SARDH: variants seen among roughly 807,000 people sequenced by gnomAD.
The protein encoded by SARDH is sarcosine dehydrogenase.
A neutral mutation model predicts 109.1 loss-of-function variants in SARDH; 95 were observed. That is an observed-to-expected ratio of 0.87 (90% CI 0.74 to 1.03). The LOEUF is 1.03. Ranked by LOEUF, SARDH falls within the 50% of genes least tolerant of loss-of-function variation. The probability of loss-of-function intolerance (pLI) is 0.00; values close to 1 mark genes in which losing one functional copy is unlikely to be tolerated. For missense variants in SARDH, 1,267 were observed against 1,287.8 expected (o/e 0.98, Z 0.25); for synonymous variants, 572 against 534.8 (o/e 1.07, Z -0.96).
rs1251396111 is a variant in SARDH, at chr9:133,709,181, CGGT to C, written c.1329-756_1329-754del. Among the ~76,000 whole-genome samples the C allele has an allele frequency of 6.6e-6, 1 of 152,180 alleles. No individual in the cohort carries two copies. The highest frequency in any genetic ancestry group is 6.5e-5 in the Admixed American group (1 of 15,278). ...CACAGTGTGCGGCCACGGCAGCCCCCGGTGGTGTCCAGCACGAACCCGGCGGGC... is the reference window on the plus strand; with the variant it reads ...CACAGTGTGCGGCCACGGCAGCCCCCGGTGTCCAGCACGAACCCGGCGGGC... On this transcript the variant is annotated intron_variant, in intron 10 of 20. Coordinates refer to ENST00000439388, the MANE Select transcript of SARDH (RefSeq NM_001134707.2). The surrounding 1 kb of genome is among the most constrained non-coding windows in gnomAD (Gnocchi z 4.2).
intron 6 of SARDH, among the ~76,000 whole-genome samples, chr9:133,721,893 G>T (rs1317695236): frequency 1.3e-5 from 2 of 151,964 alleles, no homozygotes; most frequent in African/African-American, 4.8e-5. Context: ...AGGCGGGAGG[G>T]TCATTTGAGG....
rs1437587140 is a variant in SARDH, at chr9:133,713,038, C to T, written c.1237G>A (p.Gly413Arg). The T allele has an allele frequency of 1.2e-6, 2 of 1,610,298 alleles. No individual in the cohort carries two copies. Among genetic ancestry groups the T allele is most frequent in the Non-Finnish European group, 1.7e-6 (2 of 1,178,948 alleles). Residue 413 changes from glycine to arginine, a missense_variant and splice_region_variant, in exon 9 of 21, where the codon GGA (glycine) becomes AGA (arginine). Gly to Arg is a moderately radical substitution (Grantham distance 125). Transcript: ENST00000439388. The stretch of plus-strand genomic sequence containing the variant: ...CAGGAGGGCTGCTGCCCGGACTCAC[C>T]TGCGCTGTTGAAGCCACAGCCCAGG... ...FFLGCGFNSA[G>R]MMLGGGCGQE...
rs1438415571 is a variant in SARDH, at chr9:133,692,214, G to A, written c.1922-1687C>T. Reference sequence around the variant, plus strand: ...CCATTCCACCAATGGGGGAAACTGAGGCTCGGGGGGGCAGGTCGCTGAGCC... The same window carrying A: ...CCATTCCACCAATGGGGGAAACTGAAGCTCGGGGGGGCAGGTCGCTGAGCC... On this transcript the variant is annotated intron_variant, in intron 15 of 20. Coordinates refer to ENST00000439388, the MANE Select transcript of SARDH (RefSeq NM_001134707.2). This position sits in a 1 kb window ranked among gnomAD's most constrained non-coding sequence, Gnocchi z 5.0. 6.6e-6 allele frequency among the ~76,000 whole-genome samples: 1 copy of A among 152,160 alleles called. No homozygotes were observed. Among genetic ancestry groups the A allele is most frequent in the Non-Finnish European group, 1.5e-5 (1 of 68,028 alleles).
chr9:133,719,635 C>T (rs1832253404), intron 6 of SARDH, among the ~76,000 whole-genome samples: 1 of 136,176 alleles, frequency 7.3e-6, no homozygotes. Flanking sequence ...CATCCCCCCA[C>T]CCCCCCACCC....
rs542494492 is a variant in SARDH at position 133,666,933 on chromosome 9, C to T, written c.2496-63G>A. 606 of 1,595,386 alleles carry T rather than the reference C, an allele frequency of 3.8e-4. 1 individual carries two copies. Among genetic ancestry groups the T allele is most frequent in the South Asian group, 4.7e-4 (42 of 88,674 alleles). On this transcript the variant is annotated intron_variant, in intron 19 of 20. Coordinates refer to ENST00000439388, the MANE Select transcript of SARDH (RefSeq NM_001134707.2). This position sits in a 1 kb window ranked among gnomAD's most constrained non-coding sequence, Gnocchi z 5.2. ...CCGCAGGGTGGGGACGCGTCCACAG[C>T]GGCCTGGAGGAGAATGGGGGGCTGC...
chr9:133,672,322 C>T (rs574054875), intron 17 of SARDH, among the ~76,000 whole-genome samples: 17 of 152,336 alleles, frequency 1.1e-4, no homozygotes, highest in African/African-American at 4.1e-4. Flanking sequence ...ATTACACCTG[C>T]AAAGATCCTA....
chr9:133,719,193 G>A (rs1045405725), intron 6 of SARDH, 151 bp from the exon 7 acceptor site: 7 of 633,244 alleles, frequency 1.1e-5, no homozygotes, highest in African/African-American at 9.1e-5. Context: ...AGTGGACACG[G>A]GGCCTCAAGT....
chr9:133,660,155 G>A (rs936777447), downstream of SARDH, among the ~76,000 whole-genome samples: 1 of 150,354 alleles, frequency 6.7e-6, no homozygotes, highest in African/African-American at 2.5e-5. Context: ...CGCTCCAGCA[G>A]TACCCGCACC....
At chr9:133,735,774 T>A (rs1314449597) in intron 1 of SARDH, among the ~76,000 whole-genome samples, 2 of 152,236 alleles carry the variant, frequency 1.3e-5, no homozygotes, top group African/African-American at 4.8e-5. Context: ...CCGGGCTCTG[T>A]GGCTCATGCC....
intron 10 of SARDH, among the ~76,000 whole-genome samples, chr9:133,710,425 C>T (rs781311962): frequency 1.2e-4 from 18 of 152,252 alleles, no homozygotes; most frequent in South Asian, 2.1e-4. Flanking sequence ...ACGCGCAGCC[C>T]GGAGCCCAGA....
chr9:133,736,488 T>C (rs951541751), intron 1 of SARDH, among the ~76,000 whole-genome samples: 10 of 152,148 alleles, frequency 6.6e-5, no homozygotes, highest in Non-Finnish European at 1.2e-4. Flanking sequence ...CTCTGCCTCC[T>C]GGGTTCAAGC....
chr9:133,716,639 G>A (rs761026410), intron 8 of SARDH, among the ~76,000 whole-genome samples: 2 of 152,214 alleles, frequency 1.3e-5, no homozygotes, highest in Admixed American at 6.5e-5. Context: ...GCTGAGCTGC[G>A]CTGTGGATGA....
At chr9:133,679,190 A>G (rs942211742) in intron 17 of SARDH, among the ~76,000 whole-genome samples, 8 of 152,232 alleles carry the variant, frequency 5.3e-5, no homozygotes, top group South Asian at 2.1e-4. Flanking sequence ...TGCGGCCACC[A>G]GTCTCTCTGT....
At chr9:133,688,246 A>T (rs1339711463) in intron 16 of SARDH, among the ~76,000 whole-genome samples, 1 of 152,114 alleles carries the variant, frequency 6.6e-6, no homozygotes, top group Non-Finnish European at 1.5e-5. Flanking sequence ...GGACTGCATG[A>T]TTCCACCGCA....
chr9:133,694,503 CTACT>C, intron 14 of SARDH, 132 bp from the exon 15 acceptor site: 1 of 770,916 alleles, frequency 1.3e-6, no homozygotes, highest in Non-Finnish European at 2.2e-6. Context: ...ACAGGATGCC[CTACT>C]GGGAGGTGAC....
chr9:133,722,315 T>TA (rs56393634), intron 6 of SARDH, among the ~76,000 whole-genome samples: 128,463 of 151,590 alleles, frequency 0.85, 54,797 homozygotes, highest in Admixed American at 0.9. Flanking sequence ...TTTTTTTTTT[T>TA]AAAGCCTCAA....
intron 6 of SARDH, 57 bp from the exon 7 acceptor site, chr9:133,719,099 C>T: frequency 6.8e-7 from 1 of 1,474,132 alleles, no homozygotes; most frequent in Non-Finnish European, 9.5e-7. Flanking sequence ...GGACTTGGTT[C>T]CCCATGCCCC....
intron 11 of SARDH, among the ~76,000 whole-genome samples, chr9:133,706,208 C>T (rs542077641): frequency 3.3e-5 from 5 of 152,218 alleles, no homozygotes; most frequent in South Asian, 2.1e-4. Flanking sequence ...AGAGAACCCC[C>T]GTGGCCCTCA....
chr9:133,736,035 C>T (rs1404949501), intron 1 of SARDH, among the ~76,000 whole-genome samples: 2 of 140,996 alleles, frequency 1.4e-5, no homozygotes, highest in Admixed American at 1.4e-4. Flanking sequence ...AGTGAAACTC[C>T]GTCTCAAAAA....
Sources: gnomAD v4.1 joint callset for allele counts (sites outside exome capture counted in the v4.1 genomes callset) on GRCh38, gnomAD v4.1.1 for gene constraint, Gnocchi (gnomAD v3.1) non-coding constraint, MANE v1.5 for transcripts, NCBI Gene and HGNC (gene_info 2026-07-23, HGNC 2026-07-21) for gene names.